Variants in ANKRD17 observed in about 807,000 individuals in gnomAD.
The protein encoded by ANKRD17 is ankyrin repeat domain-containing protein 17.
ANKRD17 carries 19 observed loss-of-function variants against 229.7 expected under a neutral mutation model. That is an observed-to-expected ratio of 0.08 (90% CI 0.06 to 0.12). ANKRD17 has a LOEUF of 0.12. ANKRD17 is among the 10% of genes least tolerant of loss of function. The pLI, the probability that ANKRD17 is intolerant of heterozygous loss-of-function variation, is 1.00. For missense variants in ANKRD17, 2,176 were observed against 3,176.8 expected (o/e 0.68, Z 7.57); for synonymous variants, 1,112 against 1,146.1 (o/e 0.97, Z 0.60).
chr4:73,193,170 G>C (rs1303083849), intron 1 of ANKRD17, among the ~76,000 whole-genome samples: 1 of 152,154 alleles, frequency 6.6e-6, no homozygotes, highest in South Asian at 2.1e-4. Context: ...TGGAATCACA[G>C]GTTTCTGAAT....
At chr4:73,185,965 A>T (rs1006113806) in intron 1 of ANKRD17, among the ~76,000 whole-genome samples, 2 of 152,060 alleles carry the variant, frequency 1.3e-5, no homozygotes, top group African/African-American at 4.8e-5. Context: ...TTCTTAATTT[A>T]TTAAGAAATT....
intron 16 of ANKRD17, among the ~76,000 whole-genome samples, chr4:73,134,334 A>C (rs1382967928): frequency 6.6e-6 from 1 of 152,176 alleles, no homozygotes; most frequent in Non-Finnish European, 1.5e-5. Flanking sequence ...TATAATGTAC[A>C]CACCCCAGGT....
chr4:73,154,897 C>A (rs1394994443), intron 5 of ANKRD17, among the ~76,000 whole-genome samples: 1 of 151,870 alleles, frequency 6.6e-6, no homozygotes, highest in Non-Finnish European at 1.5e-5. Context: ...AAAAATTAGC[C>A]GGGCATAGTG....
intron 29 of ANKRD17, among the ~76,000 whole-genome samples, chr4:73,089,187 A>G (rs2110148193): frequency 6.6e-6 from 1 of 151,658 alleles, no homozygotes; most frequent in East Asian, 1.9e-4. Flanking sequence ...ACAGGTATGC[A>G]CCACCATGCC....
At chr4:73,116,131 T>A (rs1284393619) in intron 22 of ANKRD17, among the ~76,000 whole-genome samples, 2 of 150,496 alleles carry the variant, frequency 1.3e-5, no homozygotes, top group Non-Finnish European at 3.0e-5. Flanking sequence ...TACATAATAA[T>A]ATGAGCTAAA....
At chr4:73,238,793 C>CA in intron 1 of ANKRD17, among the ~76,000 whole-genome samples, 1 of 152,078 alleles carries the variant, frequency 6.6e-6, no homozygotes, top group East Asian at 1.9e-4. Flanking sequence ...GGTAAGAAGG[C>CA]AGTACAATAT....
At chr4:73,214,069 G>A (rs1740677774) in intron 1 of ANKRD17, among the ~76,000 whole-genome samples, 1 of 151,972 alleles carries the variant, frequency 6.6e-6, no homozygotes, top group South Asian at 2.1e-4. Context: ...CTTCCTTCAG[G>A]AATCCTCAAA....
intron 3 of ANKRD17, among the ~76,000 whole-genome samples, chr4:73,160,629 G>A (rs1453516441): frequency 6.6e-6 from 1 of 151,998 alleles, no homozygotes; most frequent in East Asian, 1.9e-4. Context: ...CATTTACTGA[G>A]TCCTTACTAA....
intron 25 of ANKRD17, among the ~76,000 whole-genome samples, chr4:73,101,461 T>C (rs1371775363): frequency 6.6e-6 from 1 of 151,954 alleles, no homozygotes; most frequent in Non-Finnish European, 1.5e-5. Flanking sequence ...GATCAGGAGT[T>C]AGAGGCTAGC....
At chr4:73,159,692 G>T (rs958002426) in intron 3 of ANKRD17, among the ~76,000 whole-genome samples, 14 of 151,872 alleles carry the variant, frequency 9.2e-5, no homozygotes, top group Non-Finnish European at 1.2e-4. Context: ...ACCCTTCAAG[G>T]TGTTTTAATT....
At chr4:73,155,114 T>G (rs1274282076) in intron 5 of ANKRD17, among the ~76,000 whole-genome samples, 1 of 151,772 alleles carries the variant, frequency 6.6e-6, no homozygotes, top group Non-Finnish European at 1.5e-5. Context: ...TTCCATGAAA[T>G]TTTAGAATTT....
intron 3 of ANKRD17, among the ~76,000 whole-genome samples, chr4:73,157,330 T>C (rs1041056724): frequency 1.3e-5 from 2 of 152,266 alleles, no homozygotes; most frequent in East Asian, 1.9e-4. Context: ...TATTTACTTA[T>C]ACAATCAAAT....
chr4:73,222,179 G>A (rs1741945529), intron 1 of ANKRD17, among the ~76,000 whole-genome samples: 1 of 151,928 alleles, frequency 6.6e-6, no homozygotes. Context: ...CCACAGATAA[G>A]AATATGAGAT....
intron 1 of ANKRD17, among the ~76,000 whole-genome samples, chr4:73,224,682 T>G (rs1742280743): frequency 6.6e-6 from 1 of 152,228 alleles, no homozygotes; most frequent in African/African-American, 2.4e-5. Flanking sequence ...ATTAACTCAT[T>G]TAATTTTCAC....
In ANKRD17 at chr4:73,200,575, A is replaced by G. The variant is rs577987064; in HGVS notation, c.394-23042T>C. ...CAGGTGAAGGTTAAACCACTGCTTA[A>G]AAGATTAAAATTAATAACTCCATTA... On this transcript the variant is annotated intron_variant, in intron 1 of 33. Transcript: ENST00000358602. Among the ~76,000 whole-genome samples, 3 of 152,256 alleles carry G rather than the reference A, an allele frequency of 2.0e-5. No homozygotes were observed. The South Asian group carries it at 6.2e-4, about 32-fold the overall frequency.
At position 73,085,263 on chromosome 4, in the gene ANKRD17, G is replaced by A; in HGVS notation, c.7145C>T (p.Ser2382Leu). 6.2e-7 allele frequency: 1 copy of A among 1,614,100 alleles called. No individual in the cohort carries two copies. Among genetic ancestry groups the A allele is most frequent in the Non-Finnish European group, 8.5e-7 (1 of 1,179,994 alleles). The change falls in exon 30 of 34, where the codon TCA (serine) becomes TTA (leucine). Residue 2382 changes from serine to leucine, a missense_variant. Coordinates refer to ENST00000358602, the MANE Select transcript of ANKRD17 (RefSeq NM_032217.5). The stretch of plus-strand genomic sequence containing the variant: ...ATAAAACTCACCATTTGATGCTGAT[G>A]AACACGGAGTCAACAAACTAAGCGG... ...FSPLSLLTPC[S>L]SASNDSSAQS... is the part of the protein sequence containing the mutation.
intron 1 of ANKRD17, among the ~76,000 whole-genome samples, chr4:73,220,994 A>G (rs1010591284): frequency 2.6e-5 from 4 of 152,126 alleles, no homozygotes; most frequent in African/African-American, 9.7e-5. Flanking sequence ...GCTTTAGAAA[A>G]TGGTACATTT....
intron 29 of ANKRD17, among the ~76,000 whole-genome samples, chr4:73,087,026 C>G (rs1216988448): frequency 7.4e-6 from 1 of 134,948 alleles, no homozygotes. Flanking sequence ...GCTGTAGATA[C>G]AATTCTACAA....
intron 16 of ANKRD17, among the ~76,000 whole-genome samples, chr4:73,132,108 TG>T (rs1356737203): frequency 5.3e-5 from 8 of 151,266 alleles, no homozygotes; most frequent in African/African-American, 1.7e-4. Flanking sequence ...AAAAACTAGT[TG>T]TTTTTTTTTT....
Sources: allele counts gnomAD v4.1 joint callset (sites outside exome capture counted in the v4.1 genomes callset), GRCh38; gene constraint gnomAD v4.1.1; transcripts MANE v1.5; gene names NCBI Gene and HGNC (gene_info 2026-07-23, HGNC 2026-07-21).